Variants in ERMP1 observed in about 807,000 individuals in gnomAD.
ERMP1 encodes Felix-ina.
A neutral mutation model predicts 92.0 loss-of-function variants in ERMP1; 86 were observed. That is an observed-to-expected ratio of 0.93 (90% confidence interval 0.79 to 1.12). The LOEUF (loss-of-function observed/expected upper bound fraction) is 1.12. Among genes scored for constraint, ERMP1 ranks in the 50% most tolerant of loss-of-function variants. The pLI is 0.00. For synonymous variants in ERMP1, 530 were observed against 412.8 expected, an observed-to-expected ratio of 1.28 and a Z score of -3.44; for missense variants, 1,342 against 1,116.3, an observed-to-expected ratio of 1.20 and a Z score of -2.88.
chr9:5,804,452 G>C (rs577586802), intron 10 of ERMP1, among the ~76,000 whole-genome samples: 1 of 152,154 alleles, frequency 6.6e-6, no homozygotes, highest in Admixed American at 6.5e-5. Context: ...ACACTGATAC[G>C]GCAAAATGAG....
intron 7 of ERMP1, 60 bp from the exon 8 acceptor site, chr9:5,810,291 A>G (rs1271757064): frequency 8.0e-7 from 1 of 1,254,206 alleles, no homozygotes; most frequent in Non-Finnish European, 1.2e-6. Flanking sequence ...TTATATAACC[A>G]GTCAGTAGAG....
intron 6 of ERMP1, among the ~76,000 whole-genome samples, chr9:5,847,607 C>T (rs1830253008): frequency 6.6e-6 from 1 of 151,232 alleles, no homozygotes. Context: ...CAAAACAAAA[C>T]AAAATCGGCC....
intron 1 of ERMP1, 21 bp downstream of exon 1, chr9:5,832,669 C>G (rs1475044181): frequency 7.1e-7 from 1 of 1,404,948 alleles, no homozygotes. Context: ...GCGGGCCGTG[C>G]CAGGAGGGAG....
At chr9:5,828,764 A>G (rs1210071949) in intron 2 of ERMP1, among the ~76,000 whole-genome samples, 1 of 152,086 alleles carries the variant, frequency 6.6e-6, no homozygotes, top group Non-Finnish European at 1.5e-5. Context: ...CTCAGCTAAG[A>G]ACTATGAAGG....
At chr9:5,816,779 A>G (rs560929842) in intron 4 of ERMP1, among the ~76,000 whole-genome samples, 20 of 152,328 alleles carry the variant, frequency 1.3e-4, no homozygotes, top group African/African-American at 4.8e-4. Context: ...AGAATGAACT[A>G]CAGATGAGGA....
At chr9:5,797,479 C>G (rs951714030) in intron 13 of ERMP1, among the ~76,000 whole-genome samples, 1 of 151,998 alleles carries the variant, frequency 6.6e-6, no homozygotes, top group Non-Finnish European at 1.5e-5. Context: ...GAAACCCTGT[C>G]TCTACTAAAA....
At chr9:5,847,095 G>A (rs959442127) in intron 6 of ERMP1, among the ~76,000 whole-genome samples, 1 of 152,178 alleles carries the variant, frequency 6.6e-6, no homozygotes, top group African/African-American at 2.4e-5. Context: ...GGGGATGGAG[G>A]GAAGAGACGC....
intron 8 of ERMP1, among the ~76,000 whole-genome samples, chr9:5,808,896 C>T (rs1278726179): frequency 6.6e-6 from 1 of 152,098 alleles, no homozygotes; most frequent in East Asian, 1.9e-4. Flanking sequence ...CACCACCATG[C>T]CTGGCTAATT....
intron 4 of ERMP1, 31 bp from the exon 5 acceptor site, chr9:5,813,066 G>A: frequency 6.3e-7 from 1 of 1,592,012 alleles, no homozygotes; most frequent in South Asian, 1.1e-5. Context: ...ACAATAGAAG[G>A]TATTCCGGCA....
intron 6 of ERMP1, among the ~76,000 whole-genome samples, chr9:5,842,012 G>A (rs1166252976): frequency 1.3e-5 from 2 of 152,178 alleles, no homozygotes; most frequent in Non-Finnish European, 2.9e-5. Flanking sequence ...GACTTCAGGA[G>A]TAAAGCTGCA....
In ERMP1 at chr9:5,823,883, C is replaced by T. The variant is rs1586815773; in HGVS notation, c.874+13G>A. 1.7e-5 allele frequency: 27 copies of T among 1,552,348 alleles called. No homozygotes were observed. In the East Asian group the frequency reaches 6.1e-4, roughly 35 times the overall value. On this transcript the variant is annotated intron_variant, in intron 4 of 14. Coordinates refer to ENST00000339450, the MANE Select transcript of ERMP1 (RefSeq NM_024896.3). ...GAATTGCATTAAAATATACAACGCA[C>T]AATCTCACATACCTGTTTGGAATAC...
At chr9:5,855,663 G>C (rs1461314833) in intron 6 of ERMP1, 4 of 152,846 alleles carry the variant, frequency 2.6e-5, no homozygotes, top group Non-Finnish European at 5.9e-5. Context: ...CTGCTCATTA[G>C]TTTTCCTAAG....
chr9:5,833,068 C>G lies in ERMP1; in HGVS notation c.-41G>C, dbSNP rs775654367. ...CTGCCAGCCCAACCGCCCCAACCCG[C>G]GACAGCCCCGGCCGCCGCCGACGCC... On this transcript the variant is annotated 5_prime_UTR_variant, in exon 1 of 15. Transcript: ENST00000339450. The G allele has an allele frequency of 5.7e-6, 8 of 1,407,594 alleles. No homozygotes were observed. The highest frequency in any genetic ancestry group is 1.8e-4 in the Middle Eastern group (1 of 5,424). 87.2% of individuals were successfully genotyped at this position (1,407,594 alleles called of 1,614,324 possible).
chr9:5,832,642 G>C, intron 1 of ERMP1, 48 bp downstream of exon 1: 3 of 1,332,740 alleles, frequency 2.3e-6, no homozygotes, highest in Non-Finnish European at 2.9e-6. Flanking sequence ...GCCTGCGCAG[G>C]AGCCGCAAAC....
At chr9:5,819,657 C>T (rs190870111) in intron 4 of ERMP1, among the ~76,000 whole-genome samples, 1 of 152,322 alleles carries the variant, frequency 6.6e-6, no homozygotes, top group African/African-American at 2.4e-5. Flanking sequence ...TACTATGGCA[C>T]ATGTATTCCT....
intron 6 of ERMP1, among the ~76,000 whole-genome samples, chr9:5,840,047 A>T (rs777661574): frequency 6.6e-6 from 1 of 152,044 alleles, no homozygotes; most frequent in African/African-American, 2.4e-5. Context: ...TTTGTGACCA[A>T]CCTGGCCAAC....
chr9:5,857,190 T>A (rs1830386091), intron 6 of ERMP1, among the ~76,000 whole-genome samples: 1 of 152,020 alleles, frequency 6.6e-6, no homozygotes, highest in African/African-American at 2.4e-5. Context: ...CCTGGCTAAT[T>A]TTTGTATTTT....
intron 13 of ERMP1, among the ~76,000 whole-genome samples, chr9:5,790,570 A>G (rs1214564128): frequency 6.6e-6 from 1 of 152,252 alleles, no homozygotes. Context: ...GAAAGGGTAA[A>G]TAAAGGTATG....
chr9:5,787,466 G>T lies in ERMP1; in HGVS notation c.2514C>A (p.Leu838=). 6.2e-7 allele frequency: 1 copy of T among 1,614,058 alleles called. No homozygotes were observed. Among genetic ancestry groups the T allele is most frequent in the South Asian group, 1.1e-5 (1 of 91,058 alleles). ...GDYFVFYSHG[L]QASAWQFWIE... Reference sequence around the variant, plus strand: ...TCCAGAACTGCCATGCAGAGGCCTGGAGTCCATGGGAGTAAAAGACAAAGT... The same window carrying T: ...TCCAGAACTGCCATGCAGAGGCCTGTAGTCCATGGGAGTAAAAGACAAAGT... Residue 838 remains leucine, a synonymous_variant, in exon 14 of 15, where the codon CTC becomes CTA. Transcript: ENST00000339450.
Sources: allele counts gnomAD v4.1 joint callset (sites outside exome capture counted in the v4.1 genomes callset), GRCh38; gene constraint gnomAD v4.1.1; transcripts MANE v1.5; gene names NCBI Gene and HGNC (gene_info 2026-07-23, HGNC 2026-07-21).